Variants in OCIAD2 observed in about 807,000 individuals in gnomAD.
OCIAD2 encodes the protein OCIA domain containing 2.
OCIAD2 carries 29 observed loss-of-function variants against 22.9 expected under a neutral mutation model. That is an observed-to-expected ratio of 1.27 (90% CI 0.94 to 1.73). OCIAD2 has a LOEUF of 1.73. Among genes scored for constraint, OCIAD2 ranks in the 40% most tolerant of loss-of-function variants. The probability of loss-of-function intolerance (pLI) is 0.00; values close to 1 mark genes in which losing one functional copy is unlikely to be tolerated. For synonymous variants in OCIAD2, 67 were observed against 60.2 expected (o/e 1.11, Z -0.52); for missense variants, 189 against 180.3 (o/e 1.05, Z -0.28).
chr4:48,906,341 G>T (rs1352343050), intron 1 of OCIAD2, among the ~76,000 whole-genome samples: 2 of 152,178 alleles, frequency 1.3e-5, no homozygotes, highest in Non-Finnish European at 2.9e-5. Flanking sequence ...GGGGGGCGGG[G>T]GTGCTTCTTA....
intron 6 of OCIAD2, among the ~76,000 whole-genome samples, chr4:48,889,493 G>A (rs533604593): frequency 1.1e-4 from 17 of 152,304 alleles, no homozygotes; most frequent in African/African-American, 4.1e-4. Context: ...GCAGCCAACA[G>A]ACACATGAAA....
At chr4:48,885,678 G>A (rs1324488512) in intron 6 of OCIAD2, 113 bp from the exon 7 acceptor site, 5 of 648,170 alleles carry the variant, frequency 7.7e-6, no homozygotes, top group African/African-American at 3.7e-5. Flanking sequence ...TAGAGATGTG[G>A]GGGGAGTCTA....
intron 3 of OCIAD2, among the ~76,000 whole-genome samples, chr4:48,898,590 C>G (rs1781351019): frequency 6.6e-6 from 1 of 152,168 alleles, no homozygotes. Context: ...CTCAGAAATT[C>G]AGGAGTCATA....
chr4:48,891,210 T>A (rs1450886212), intron 6 of OCIAD2, among the ~76,000 whole-genome samples: 4 of 152,164 alleles, frequency 2.6e-5, no homozygotes, highest in African/African-American at 9.7e-5. Flanking sequence ...TTGAATCTAT[T>A]AAGATTCAAG....
chr4:48,886,511 C>A (rs1485554219), intron 6 of OCIAD2, among the ~76,000 whole-genome samples: 30 of 137,914 alleles, frequency 2.2e-4, no homozygotes, highest in African/African-American at 7.7e-4. Context: ...CTACAACAGG[C>A]CCTGGTGTGT....
intron 3 of OCIAD2, 118 bp downstream of exon 3, chr4:48,899,711 A>G (rs138469274): frequency 2.9e-6 from 2 of 682,498 alleles, no homozygotes; most frequent in African/African-American, 3.7e-5. Flanking sequence ...ACATCCCTGA[A>G]TATCAGAGTT....
chr4:48,896,627 TC>T (rs1167699557), intron 4 of OCIAD2, among the ~76,000 whole-genome samples: 11 of 151,652 alleles, frequency 7.3e-5, no homozygotes, highest in African/African-American at 2.7e-4. Context: ...AACCCCAAGA[TC>T]CCCATAAAGT....
Position 48,904,514 on chromosome 4 carries a change from T to C in OCIAD2, c.36A>G (p.Lys12=). ...TGCTTGGTGGTGGAAAATGGGCATCTTTATCTTGGTTTCCACGAGCAGACG... is the reference window on the plus strand; with the variant it reads ...TGCTTGGTGGTGGAAAATGGGCATCCTTATCTTGGTTTCCACGAGCAGACG... ...ASASARGNQD[K]DAHFPPPSKQ... The change falls in exon 2 of 7, where the codon AAA becomes AAG. Residue 12 remains lysine (K), a synonymous_variant. Transcript: ENST00000508632. 6.2e-7 allele frequency: 1 copy of C among 1,614,100 alleles called. No homozygotes were observed. Among genetic ancestry groups the C allele is most frequent in the Non-Finnish European group, 8.5e-7 (1 of 1,179,990 alleles).
intron 6 of OCIAD2, among the ~76,000 whole-genome samples, chr4:48,887,887 A>C (rs1172877971): frequency 6.6e-6 from 1 of 152,204 alleles, no homozygotes; most frequent in African/African-American, 2.4e-5. Flanking sequence ...AGTCATTGGT[A>C]GCTTGATGGG....
intron 2 of OCIAD2, among the ~76,000 whole-genome samples, chr4:48,900,843 A>G (rs1299532062): frequency 2.0e-5 from 3 of 152,048 alleles, no homozygotes; most frequent in Non-Finnish European, 4.4e-5. Flanking sequence ...ATCTGCCCTC[A>G]TCGGCCTTCC....
At chr4:48,887,816 T>C (rs1350639880) in intron 6 of OCIAD2, among the ~76,000 whole-genome samples, 2 of 152,216 alleles carry the variant, frequency 1.3e-5, no homozygotes, top group Non-Finnish European at 2.9e-5. Flanking sequence ...GACTTGGCAA[T>C]GCGGGCTCTT....
At chr4:48,900,356 T>C (rs750939266) in intron 2 of OCIAD2, among the ~76,000 whole-genome samples, 1 of 152,166 alleles carries the variant, frequency 6.6e-6, no homozygotes, top group Non-Finnish European at 1.5e-5. Context: ...TAGCACAATA[T>C]TTAGACATTG....
rs61152134 is a variant in OCIAD2 at position 48,895,319 on chromosome 4, A to G, written c.218-1266T>C. Among the ~76,000 whole-genome samples, 475 of 152,376 alleles carry G rather than the reference A, an allele frequency of 3.1e-3. 1 individual carries two copies. Among genetic ancestry groups the G allele is most frequent in the African/African-American group, 0.011 (445 of 41,594 alleles). On this transcript the variant is annotated intron_variant, in intron 4 of 6. Coordinates refer to ENST00000508632, the MANE Select transcript of OCIAD2 (RefSeq NM_001014446.3). ...TATCAAACTCTGAAAAAAATGTATT[A>G]GCATAGATGCAAAAAATGGTAGATG... is the stretch of plus-strand genomic sequence containing the variant.
At chr4:48,887,744 T>C (rs1298861706) in intron 6 of OCIAD2, among the ~76,000 whole-genome samples, 2 of 152,186 alleles carry the variant, frequency 1.3e-5, no homozygotes, top group Non-Finnish European at 2.9e-5. Flanking sequence ...ACTGTAGACT[T>C]GTAGTATAGT....
At chr4:48,892,159 T>C (rs555151355) in intron 6 of OCIAD2, among the ~76,000 whole-genome samples, 7 of 152,372 alleles carry the variant, frequency 4.6e-5, no homozygotes, top group Non-Finnish European at 1.0e-4. Context: ...ATAGTAGAAA[T>C]AGCTAATGTT....
intron 6 of OCIAD2, among the ~76,000 whole-genome samples, chr4:48,890,810 T>G: frequency 6.6e-6 from 1 of 152,192 alleles, no homozygotes; most frequent in East Asian, 1.9e-4. Flanking sequence ...TCATTCAATC[T>G]GGCTTGGGTG....
rs369728242 is a variant in OCIAD2 at position 48,904,475 on chromosome 4, A to G, written c.66+9T>C. ...ATCAATGAATCGATCAATAAATATA[A>G]AAGTATACCTGCTTGCTTGGTGGTG... On this transcript the variant is annotated intron_variant, in intron 2 of 6. Coordinates refer to ENST00000508632, the MANE Select transcript of OCIAD2 (RefSeq NM_001014446.3). 9 of 1,612,420 alleles carry G rather than the reference A, an allele frequency of 5.6e-6. No homozygotes were observed. The African/African-American group carries it at 1.2e-4, about 22-fold the overall frequency.
intron 6 of OCIAD2, among the ~76,000 whole-genome samples, chr4:48,887,594 A>G (rs553157113): frequency 1.8e-4 from 28 of 152,322 alleles, no homozygotes; most frequent in African/African-American, 6.5e-4. Context: ...TTAAGTAGGG[A>G]ATCCTTTCCC....
intron 6 of OCIAD2, among the ~76,000 whole-genome samples, chr4:48,887,713 C>A (rs1429547095): frequency 6.6e-6 from 1 of 152,130 alleles, no homozygotes; most frequent in Non-Finnish European, 1.5e-5. Flanking sequence ...TTTTGGTACC[C>A]AGTACCATGC....
Sources: gnomAD v4.1 joint callset for allele counts (sites outside exome capture counted in the v4.1 genomes callset) on GRCh38, gnomAD v4.1.1 for gene constraint, MANE v1.5 for transcripts, NCBI Gene and HGNC (gene_info 2026-07-23, HGNC 2026-07-21) for gene names.